The following UMODL1 variants were observed in gnomAD, a reference collection of about 807,000 sequenced individuals.
The protein encoded by UMODL1 is uromodulin like 1.
UMODL1 carries 128 observed loss-of-function variants against 136.3 expected under a neutral mutation model. The ratio of observed to expected loss-of-function variants is 0.94; its 90% CI spans 0.81 to 1.09. The LOEUF (loss-of-function observed/expected upper bound fraction) is 1.09, where lower values mean the gene tolerates loss of function less well. Ranked by LOEUF, UMODL1 falls within the 50% of genes least tolerant of loss-of-function variation. The probability of loss-of-function intolerance (pLI) is 0.00; values close to 1 mark genes in which losing one functional copy is unlikely to be tolerated. For missense variants in UMODL1, 1,766 were observed against 1,725.6 expected (o/e 1.02, Z -0.41); for synonymous variants, 721 against 720.0 (o/e 1.00, Z -0.02).
chr21:42,137,133 C>T (rs1472881575), intron 21 of UMODL1, among the ~76,000 whole-genome samples: 5 of 152,168 alleles, frequency 3.3e-5, no homozygotes, highest in Admixed American at 6.5e-5. Flanking sequence ...TGTGTAGGCC[C>T]AACCCGTGTG....
At position 42,090,383 on chromosome 21, in the gene UMODL1, C is replaced by T; in HGVS notation, c.876C>T (p.Val292=). 1 of 1,614,090 alleles carries T rather than the reference C, an allele frequency of 6.2e-7. No individual in the cohort carries two copies. Among genetic ancestry groups the T allele is most frequent in the Non-Finnish European group, 8.5e-7 (1 of 1,179,970 alleles). The change falls in exon 6 of 23, where the codon GTC becomes GTT. Residue 292 remains valine (V), a synonymous_variant. Transcript: ENST00000408910. The stretch of plus-strand genomic sequence containing the variant: ...ACCTGGAGGGCTCGTACTGGTGCGT[C>T]TGTCACCAGGAAGCTCCAGCCACGT... The part of the protein sequence containing the change: ...CANLEGSYWC[V]CHQEAPATSP...
intron 6 of UMODL1, among the ~76,000 whole-genome samples, chr21:42,094,574 C>A (rs7277158): frequency 0.1 from 15,175 of 152,110 alleles, 919 homozygotes; most frequent in African/African-American, 0.17. Context: ...AAGGGGGACA[C>A]TGAAAAGGGT....
chr21:42,098,307 G>A (rs567423837), intron 6 of UMODL1, among the ~76,000 whole-genome samples: 11 of 152,296 alleles, frequency 7.2e-5, no homozygotes, highest in Middle Eastern at 3.4e-3. Flanking sequence ...CAGTGATAGA[G>A]AGGCTGGGAT....
At chr21:42,091,290 G>A (rs1233268530) in intron 6 of UMODL1, among the ~76,000 whole-genome samples, 2 of 152,206 alleles carry the variant, frequency 1.3e-5, no homozygotes, top group Non-Finnish European at 1.5e-5. Context: ...CTGGAACCAC[G>A]AGGATAAGCT....
At chr21:42,106,333 A>G (rs1431808476) in intron 9 of UMODL1, among the ~76,000 whole-genome samples, 1 of 152,244 alleles carries the variant, frequency 6.6e-6, no homozygotes, top group Non-Finnish European at 1.5e-5. Context: ...CTCGGCAAAA[A>G]AAACAAGAAA....
intron 6 of UMODL1, chr21:42,093,610 C>G (rs1359105946): frequency 8.4e-6 from 2 of 236,740 alleles, no homozygotes; most frequent in African/African-American, 2.3e-5. Context: ...GTGGCGGGCT[C>G]CAGGGTCAGA....
chr21:42,114,987 G>T (rs1353060193), intron 13 of UMODL1, among the ~76,000 whole-genome samples: 1 of 152,208 alleles, frequency 6.6e-6, no homozygotes, highest in Non-Finnish European at 1.5e-5. Context: ...AAGCCCTCAG[G>T]GGCAGCAACA....
intron 4 of UMODL1, 83 bp from the exon 5 acceptor site, chr21:42,088,211 T>C: frequency 6.8e-7 from 1 of 1,466,594 alleles, no homozygotes; most frequent in South Asian, 1.3e-5. Flanking sequence ...GGACAGTTCA[T>C]TTCAGCTCTG....
intron 1 of UMODL1, among the ~76,000 whole-genome samples, chr21:42,072,824 C>T (rs997385005): frequency 6.6e-6 from 1 of 152,220 alleles, no homozygotes; most frequent in African/African-American, 2.4e-5. Context: ...TCTCTGAGAC[C>T]GGAATCCAAG....
intron 14 of UMODL1, 95 bp downstream of exon 14, chr21:42,116,080 AT>A: frequency 1.0e-6 from 1 of 987,620 alleles, no homozygotes; most frequent in Non-Finnish European, 1.5e-6. Flanking sequence ...CACCCCTGTA[AT>A]CCTAGCACTT....
At chr21:42,116,659 G>T (rs529542734) in intron 14 of UMODL1, among the ~76,000 whole-genome samples, 1 of 151,710 alleles carries the variant, frequency 6.6e-6, no homozygotes, top group Non-Finnish European at 1.5e-5. Context: ...TTATTTCACA[G>T]ACCATAAAAT....
At chr21:42,107,125 C>G (rs1270532946) in intron 9 of UMODL1, among the ~76,000 whole-genome samples, 2 of 152,210 alleles carry the variant, frequency 1.3e-5, no homozygotes, top group Non-Finnish European at 2.9e-5. Flanking sequence ...ATCTCTTGCT[C>G]CTAACAGCAC....
At chr21:42,075,134 G>A (rs533884860) in intron 1 of UMODL1, among the ~76,000 whole-genome samples, 10 of 152,046 alleles carry the variant, frequency 6.6e-5, no homozygotes, top group African/African-American at 2.4e-4. Context: ...TCCTGACCTC[G>A]TGATCCGCCC....
chr21:42,119,554 C>T (rs766335035), intron 15 of UMODL1, among the ~76,000 whole-genome samples: 4 of 152,170 alleles, frequency 2.6e-5, no homozygotes, highest in Non-Finnish European at 5.9e-5. Flanking sequence ...ACCTGCAGAT[C>T]CCCAGGGGTG....
Position 42,071,328 on chromosome 21 carries a change from C to G in UMODL1, c.12C>G (p.Thr4=). The change falls in exon 1 of 23, where the codon ACC becomes ACG. Residue 4 remains threonine, a synonymous_variant. Coordinates refer to ENST00000408910, the MANE Select transcript of UMODL1 (RefSeq NM_001004416.3). The part of the protein sequence containing the change: MLR[T]SGLALLALVS... The stretch of plus-strand genomic sequence containing the variant: ...ACCACTGCCGGACGATGCTCAGGAC[C>G]TCGGGGCTGGCACTGCTGGCTCTGG... The G allele has an allele frequency of 6.3e-7, 1 of 1,594,226 alleles. No homozygotes were observed. Among genetic ancestry groups the G allele is most frequent in the Non-Finnish European group, 8.5e-7 (1 of 1,170,586 alleles).
At chr21:42,094,646 T>C (rs552322190) in intron 6 of UMODL1, among the ~76,000 whole-genome samples, 3 of 152,262 alleles carry the variant, frequency 2.0e-5, no homozygotes, top group Non-Finnish European at 4.4e-5. Context: ...AACCAAGTTA[T>C]AGGGGCCTAC....
Position 42,122,912 on chromosome 21 carries a change from A to C in UMODL1, c.2909A>C (p.Gln970Pro). The change falls in exon 17 of 23, where the codon CAA (glutamine) becomes CCA (proline). Residue 970 changes from glutamine (Q) to proline (P), a missense_variant. Gln to Pro is a moderately conservative substitution (Grantham distance 76). Coordinates refer to ENST00000408910, the MANE Select transcript of UMODL1 (RefSeq NM_001004416.3). The surrounding 1 kb of genome is among the most constrained non-coding windows in gnomAD (Gnocchi z 4.3). ...GCAGGGACCAAGGCTGCCTTTGTGCAAGGCACCAGCCCCACCCCCCAAGGC... is the reference window on the plus strand; with the variant it reads ...GCAGGGACCAAGGCTGCCTTTGTGCCAGGCACCAGCCCCACCCCCCAAGGC... Reference protein sequence around the residue: ...TTAGTKAAFVQGTSPTPQGLP... With the variant: ...TTAGTKAAFVPGTSPTPQGLP... 1 of 1,613,856 alleles carries C rather than the reference A, an allele frequency of 6.2e-7. No individual in the cohort carries two copies. The highest frequency in any genetic ancestry group is 8.5e-7 in the Non-Finnish European group (1 of 1,179,996).
At chr21:42,070,578 G>C (rs2146410079), upstream of UMODL1, among the ~76,000 whole-genome samples, 1 of 152,264 alleles carries the variant, frequency 6.6e-6, no homozygotes, top group African/African-American at 2.4e-5. Context: ...TTGCTGTTTT[G>C]ACTTCACATT....
chr21:42,087,973 C>G (rs1213385361), intron 4 of UMODL1, among the ~76,000 whole-genome samples: 1 of 152,188 alleles, frequency 6.6e-6, no homozygotes, highest in South Asian at 2.1e-4. Flanking sequence ...TTAGAACCCA[C>G]CTTCACTAAT....
Sources: allele counts gnomAD v4.1 joint callset (sites outside exome capture counted in the v4.1 genomes callset), GRCh38; gene constraint gnomAD v4.1.1; non-coding constraint Gnocchi (gnomAD v3.1); transcripts MANE v1.5; gene names NCBI Gene and HGNC (gene_info 2026-07-23, HGNC 2026-07-21).